Variants in ZDHHC21 observed in about 807,000 individuals in gnomAD.
ZDHHC21 encodes the protein palmitoyltransferase ZDHHC21.
ZDHHC21 carries 15 observed loss-of-function variants against 34.6 expected under a neutral mutation model. The observed-to-expected ratio is 0.43, with a 90% CI of 0.29 to 0.67. The LOEUF (loss-of-function observed/expected upper bound fraction) is 0.67, where lower values mean the gene tolerates loss of function less well. ZDHHC21 is among the 30% of genes least tolerant of loss of function. The probability of loss-of-function intolerance (pLI) is 0.14; values close to 1 mark genes in which losing one functional copy is unlikely to be tolerated. For synonymous variants in ZDHHC21, 142 were observed against 101.8 expected, an observed-to-expected ratio of 1.40 and a Z score of -2.38; for missense variants, 344 against 327.7, an observed-to-expected ratio of 1.05 and a Z score of -0.38.
At chr9:14,621,891 TA>T (rs967451449) in intron 8 of ZDHHC21, among the ~76,000 whole-genome samples, 18 of 152,036 alleles carry the variant, frequency 1.2e-4, no homozygotes, top group African/African-American at 4.3e-4. Flanking sequence ...AAAAAACCAC[TA>T]AAAAATATTT....
At chr9:14,649,841 G>C (rs922452477) in intron 7 of ZDHHC21, among the ~76,000 whole-genome samples, 3 of 151,870 alleles carry the variant, frequency 2.0e-5, no homozygotes, top group Non-Finnish European at 2.9e-5. Flanking sequence ...GAAAAGTTTG[G>C]GCAATCCAAT....
At chr9:14,598,319 T>A in the ZDHHC21 span, among the ~76,000 whole-genome samples, 69 of 152,266 alleles carry the variant, frequency 4.5e-4, no homozygotes, top group African/African-American at 1.6e-3. Context: ...CCTAAGCCAC[T>A]GTGAACTGAC....
At chr9:14,683,182 G>C (rs910715223) in intron 2 of ZDHHC21, among the ~76,000 whole-genome samples, 5 of 152,108 alleles carry the variant, frequency 3.3e-5, no homozygotes, top group East Asian at 1.9e-4. Flanking sequence ...AAATAACTAA[G>C]ATCAAAGCAG....
At position 14,643,119 on chromosome 9, in the gene ZDHHC21, T is replaced by C. The variant is rs61351725; in HGVS notation, c.505-3107A>G. Among the ~76,000 whole-genome samples, 950 of 152,202 alleles carry C rather than the reference T, an allele frequency of 6.2e-3. 11 individuals are homozygous for C. The highest frequency in any genetic ancestry group is 0.021 in the African/African-American group (886 of 41,520). ...TAAAATAGCAGGGTACGGTGGTGCATGCCTATAATCACAGCTACTAGGCGG... is the reference window on the plus strand; with the variant it reads ...TAAAATAGCAGGGTACGGTGGTGCACGCCTATAATCACAGCTACTAGGCGG... On this transcript the variant is annotated intron_variant, in intron 7 of 9. Transcript: ENST00000380916.
intron 7 of ZDHHC21, 24 bp from the exon 8 acceptor site, chr9:14,640,036 A>C (rs1253099201): frequency 6.8e-7 from 1 of 1,469,700 alleles, no homozygotes; most frequent in South Asian, 1.2e-5. Flanking sequence ...GAAAGTCTTA[A>C]AAACCATTCA....
At chr9:14,688,834 C>T (rs555406874) in intron 2 of ZDHHC21, among the ~76,000 whole-genome samples, 5 of 149,734 alleles carry the variant, frequency 3.3e-5, no homozygotes, top group Admixed American at 6.7e-5. Context: ...TGCACTCCAG[C>T]CTGGGTGACA....
At chr9:14,601,351 C>G in the ZDHHC21 span, among the ~76,000 whole-genome samples, 1 of 152,158 alleles carries the variant, frequency 6.6e-6, no homozygotes, top group Non-Finnish European at 1.5e-5. Flanking sequence ...TGAACAGGCA[C>G]TTCTCAAAAG....
chr9:14,692,471 G>A (rs1839298570), intron 1 of ZDHHC21, among the ~76,000 whole-genome samples: 1 of 151,956 alleles, frequency 6.6e-6, no homozygotes, highest in Non-Finnish European at 1.5e-5. Context: ...TACTTTTAGA[G>A]ACTGCTATAT....
intron 8 of ZDHHC21, among the ~76,000 whole-genome samples, chr9:14,637,089 A>G (rs1032254228): frequency 5.9e-5 from 9 of 152,006 alleles, no homozygotes. Context: ...ACTAAAAAAA[A>G]TATGCAAAGA....
chr9:14,591,946 T>C, the ZDHHC21 span, among the ~76,000 whole-genome samples: 1 of 152,132 alleles, frequency 6.6e-6, no homozygotes, highest in Non-Finnish European at 1.5e-5. Context: ...TATGTCTGAA[T>C]CTAAATTTTA....
the ZDHHC21 span, among the ~76,000 whole-genome samples, chr9:14,590,582 T>C: frequency 6.6e-6 from 1 of 151,924 alleles, no homozygotes; most frequent in Non-Finnish European, 1.5e-5. Context: ...CAGAAAATAA[T>C]AGAATGGAAG....
intron 7 of ZDHHC21, among the ~76,000 whole-genome samples, chr9:14,655,730 A>C (rs1392572996): frequency 6.6e-6 from 1 of 151,900 alleles, no homozygotes; most frequent in Non-Finnish European, 1.5e-5. Context: ...TTTAAATTAG[A>C]AATTCCAAAA....
chr9:14,612,763 C>CAT lies in ZDHHC21; in HGVS notation c.*6201_*6202dup, dbSNP rs1457448664. On this transcript the variant is annotated 3_prime_UTR_variant, in exon 10 of 10. Transcript: ENST00000380916. ...ATCTACACACACATATGTACACATA[C>CAT]ATATATTTTAAAGGTGTTCTGTTAT... The CAT allele has an allele frequency of 6.6e-6, 1 of 150,962 alleles. No individual in the cohort carries two copies. The highest frequency in any genetic ancestry group is 1.5e-5 in the Non-Finnish European group (1 of 67,648). The allele number at this position is 150,962 out of a possible 1,614,324, so 9.4% of individuals were successfully genotyped here. A position where few individuals can be genotyped will look rare whatever the true frequency, so the allele number is the denominator to read the frequency against.
At chr9:14,631,859 A>G (rs1298502865) in intron 8 of ZDHHC21, among the ~76,000 whole-genome samples, 2 of 152,192 alleles carry the variant, frequency 1.3e-5, no homozygotes, top group Non-Finnish European at 2.9e-5. Flanking sequence ...GGTGCCCCAA[A>G]ATAATTACAA....
chr9:14,681,183 C>T (rs1345406812), intron 2 of ZDHHC21, among the ~76,000 whole-genome samples: 6 of 152,074 alleles, frequency 3.9e-5, no homozygotes, highest in Non-Finnish European at 8.8e-5. Flanking sequence ...GTGATATTTA[C>T]CCTTACTACA....
intron 8 of ZDHHC21, among the ~76,000 whole-genome samples, chr9:14,621,085 G>A (rs1825222678): frequency 6.6e-6 from 1 of 151,984 alleles, no homozygotes; most frequent in Non-Finnish European, 1.5e-5. Context: ...TCATTTTAAT[G>A]GTTTCTTAGA....
At chr9:14,596,021 T>C in the ZDHHC21 span, among the ~76,000 whole-genome samples, 1 of 152,192 alleles carries the variant, frequency 6.6e-6, no homozygotes, top group Non-Finnish European at 1.5e-5. Context: ...TAGTTTCTTA[T>C]TAAATCAAAC....
intron 7 of ZDHHC21, among the ~76,000 whole-genome samples, chr9:14,649,888 CCAATTAATG>C (rs1006194954): frequency 4.6e-5 from 7 of 152,098 alleles, no homozygotes; most frequent in African/African-American, 1.7e-4. Flanking sequence ...ACTACATTCA[CCAATTAATG>C]CAGTGCTACA....
At chr9:14,623,015 C>A (rs1354739353) in intron 8 of ZDHHC21, among the ~76,000 whole-genome samples, 1 of 151,964 alleles carries the variant, frequency 6.6e-6, no homozygotes, top group Non-Finnish European at 1.5e-5. Flanking sequence ...TCTATACACA[C>A]AATCTACTCA....
Sources: gnomAD v4.1 joint callset for allele counts (sites outside exome capture counted in the v4.1 genomes callset) on GRCh38, gnomAD v4.1.1 for gene constraint, MANE v1.5 for transcripts, NCBI Gene and HGNC (gene_info 2026-07-23, HGNC 2026-07-21) for gene names.